Variants in MEF2A observed in about 807,000 individuals in gnomAD.
The protein encoded by MEF2A is myocyte enhancer factor 2A, also known as myocyte-specific enhancer factor 2A.
MEF2A carries 28 observed loss-of-function variants against 55.8 expected under a neutral mutation model. The observed-to-expected ratio is 0.50, with a 90% confidence interval of 0.37 to 0.69. The LOEUF (loss-of-function observed/expected upper bound fraction) is 0.69, where lower values mean the gene tolerates loss of function less well. MEF2A is among the 30% of genes least tolerant of loss of function. The pLI is 0.00. For synonymous variants in MEF2A, 239 were observed against 227.1 expected, an observed-to-expected ratio of 1.05 and a Z score of -0.47; for missense variants, 528 against 626.2, an observed-to-expected ratio of 0.84 and a Z score of 1.67.
intron 1 of MEF2A, among the ~76,000 whole-genome samples, chr15:99,567,627 C>CCGTG (rs776041706): frequency 7.0e-6 from 1 of 143,776 alleles, no homozygotes; most frequent in Non-Finnish European, 1.5e-5. Context: ...TTTGTATGTA[C>CCGTG]TGTGTGTGTG....
At chr15:99,688,705 C>T (rs1015756462) in intron 7 of MEF2A, among the ~76,000 whole-genome samples, 2 of 152,088 alleles carry the variant, frequency 1.3e-5, no homozygotes, top group African/African-American at 4.8e-5. Context: ...TGCAGTGAGC[C>T]GAGATCGCGC....
intron 3 of MEF2A, among the ~76,000 whole-genome samples, 171 bp downstream of exon 3, chr15:99,633,344 T>C (rs1373266051): frequency 6.6e-6 from 1 of 152,096 alleles, no homozygotes; most frequent in East Asian, 1.9e-4. Flanking sequence ...CATCATCTGC[T>C]TTAAAGAGAC....
At chr15:99,659,132 G>C (rs2048217594) in intron 4 of MEF2A, among the ~76,000 whole-genome samples, 1 of 152,158 alleles carries the variant, frequency 6.6e-6, no homozygotes, top group Non-Finnish European at 1.5e-5. Context: ...GGTGCACTGA[G>C]AATCAGCTCT....
At chr15:99,643,644 T>G (rs1596731947) in intron 3 of MEF2A, among the ~76,000 whole-genome samples, 4 of 151,212 alleles carry the variant, frequency 2.6e-5, no homozygotes, top group African/African-American at 9.7e-5. Flanking sequence ...CAGGCTGGAG[T>G]GCAGTGGTGC....
chr15:99,613,019 A>T (rs191848180), intron 2 of MEF2A, among the ~76,000 whole-genome samples: 2 of 152,178 alleles, frequency 1.3e-5, no homozygotes, highest in Non-Finnish European at 2.9e-5. Flanking sequence ...TATAAATTGC[A>T]GTGCGTAGAT....
At chr15:99,708,971 G>A (rs1046676655) in intron 10 of MEF2A, among the ~76,000 whole-genome samples, 4 of 152,196 alleles carry the variant, frequency 2.6e-5, no homozygotes. Flanking sequence ...CAAGGATTTT[G>A]GAAACTGTCC....
chr15:99,650,825 T>G (rs549415098), intron 4 of MEF2A, among the ~76,000 whole-genome samples: 3 of 152,328 alleles, frequency 2.0e-5, no homozygotes, highest in Admixed American at 1.3e-4. Context: ...CCCCAGAGGC[T>G]TCCTAGAAAT....
chr15:99,620,200 C>G (rs1330672935), intron 2 of MEF2A, among the ~76,000 whole-genome samples: 1 of 151,990 alleles, frequency 6.6e-6, no homozygotes, highest in Non-Finnish European at 1.5e-5. Flanking sequence ...TTTTCTTTGA[C>G]TTTTATTTTT....
At chr15:99,635,373 A>T (rs2043609288) in intron 3 of MEF2A, among the ~76,000 whole-genome samples, 2 of 152,218 alleles carry the variant, frequency 1.3e-5, no homozygotes, top group Admixed American at 1.3e-4. Context: ...AGACTTAAAG[A>T]GCTGCTTCAC....
At position 99,615,664 on chromosome 15, in the gene MEF2A, C is replaced by T. The variant is rs535807776; in HGVS notation, c.-143+17153C>T. 5.3e-5 allele frequency among the ~76,000 whole-genome samples: 8 copies of T among 152,290 alleles called. No homozygotes were observed. The East Asian group carries it at 9.7e-4, about 18-fold the overall frequency. On this transcript the variant is annotated intron_variant, in intron 2 of 11. Coordinates refer to ENST00000557942, the MANE Select transcript of MEF2A (RefSeq NM_001319206.4). The stretch of plus-strand genomic sequence containing the variant: ...GGTTTGAATGCAGGCGGGCATGCTG[C>T]AGACCCTGTCCTGTTAACCATGTTA...
intron 7 of MEF2A, among the ~76,000 whole-genome samples, chr15:99,687,313 C>A (rs898461019): frequency 3.9e-5 from 6 of 152,012 alleles, no homozygotes; most frequent in Non-Finnish European, 8.8e-5. Flanking sequence ...AAGCACACAG[C>A]AGACACTCAG....
chr15:99,683,581 T>A (rs2053639013), intron 7 of MEF2A, among the ~76,000 whole-genome samples: 1 of 147,580 alleles, frequency 6.8e-6, no homozygotes, highest in East Asian at 2.0e-4. Flanking sequence ...TAATTTAGCA[T>A]TTTTTTTTAG....
chr15:99,703,147 T>C (rs2057613763), intron 8 of MEF2A, among the ~76,000 whole-genome samples: 2 of 152,250 alleles, frequency 1.3e-5, no homozygotes, highest in Admixed American at 6.5e-5. Flanking sequence ...CTTTGAATAC[T>C]GGCCCTAGAG....
intron 8 of MEF2A, among the ~76,000 whole-genome samples, chr15:99,700,996 T>G (rs35745156): frequency 0.031 from 4,710 of 152,206 alleles, 101 homozygotes; most frequent in Non-Finnish European, 0.044. Context: ...AAATCAGCAT[T>G]AGAACACCAC....
chr15:99,683,746 T>C (rs985232985), intron 7 of MEF2A, among the ~76,000 whole-genome samples: 1 of 151,942 alleles, frequency 6.6e-6, no homozygotes, highest in Non-Finnish European at 1.5e-5. Context: ...TTCAATAGTT[T>C]TGGGGGAACA....
chr15:99,712,649 A>G lies in MEF2A; in HGVS notation c.1396A>G (p.Ser466Gly), dbSNP rs1329960155. 1.3e-6 allele frequency: 2 copies of G among 1,554,170 alleles called. No homozygotes were observed. The highest frequency in any genetic ancestry group is 8.7e-7 in the Non-Finnish European group (1 of 1,148,504). ...LSSSSSSYDG[S>G]DREDPRGDFH... Reference sequence around the variant, plus strand: ...CAGCTCTAGTAGCTCCTATGATGGCAGTGATCGGGAGGATCCACGGGGCGA... The same window carrying G: ...CAGCTCTAGTAGCTCCTATGATGGCGGTGATCGGGAGGATCCACGGGGCGA... The change falls in exon 12 of 12, where the codon AGT becomes GGT. Residue 466 changes from serine (S) to glycine (G), a missense_variant. Ser to Gly is a moderately conservative substitution (Grantham distance 56). Transcript: ENST00000557942. This position sits in a 1 kb window ranked among gnomAD's most constrained non-coding sequence, Gnocchi z 4.1.
At chr15:99,673,414 A>T (rs930106628) in intron 5 of MEF2A, among the ~76,000 whole-genome samples, 2 of 152,174 alleles carry the variant, frequency 1.3e-5, no homozygotes, top group African/African-American at 2.4e-5. Context: ...ATATTTGTTG[A>T]TGTATAATTT....
At chr15:99,677,383 T>G (rs2052337641) in intron 7 of MEF2A, among the ~76,000 whole-genome samples, 2 of 151,984 alleles carry the variant, frequency 1.3e-5, no homozygotes, top group South Asian at 4.1e-4. Flanking sequence ...AGCAGAGAAC[T>G]GAAATTTATT....
At chr15:99,678,504 G>T (rs558336415) in intron 7 of MEF2A, 2 of 318,974 alleles carry the variant, frequency 6.3e-6, no homozygotes, top group Admixed American at 6.5e-5. Flanking sequence ...ATAGTTTTGC[G>T]TTACCTTTAA....
Sources: allele counts gnomAD v4.1 joint callset (sites outside exome capture counted in the v4.1 genomes callset), GRCh38; gene constraint gnomAD v4.1.1; non-coding constraint Gnocchi (gnomAD v3.1); transcripts MANE v1.5; gene names NCBI Gene and HGNC (gene_info 2026-07-23, HGNC 2026-07-21).